PYGL: variants seen among roughly 807,000 people sequenced by gnomAD.
PYGL encodes glycogen phosphorylase L.
In PYGL, 90 loss-of-function variants were observed where a neutral mutation model predicts 100.1. The observed-to-expected ratio is 0.90, with a 90% CI of 0.76 to 1.07. The LOEUF is 1.07. Ranked by LOEUF, PYGL falls within the 50% of genes least tolerant of loss-of-function variation. The probability of loss-of-function intolerance (pLI) is 0.00; values close to 1 mark genes in which losing one functional copy is unlikely to be tolerated. For missense variants in PYGL, 1,016 were observed against 1,057.6 expected (o/e 0.96, Z 0.55); for synonymous variants, 373 against 393.0 (o/e 0.95, Z 0.60).
chr14:50,909,648 C>A (rs917646822), intron 17 of PYGL, among the ~76,000 whole-genome samples: 8 of 152,162 alleles, frequency 5.3e-5, no homozygotes, highest in African/African-American at 1.7e-4. Context: ...CTCTTTGAGG[C>A]CAGCTCTGCA....
intron 17 of PYGL, among the ~76,000 whole-genome samples, chr14:50,909,471 C>G (rs749409105): frequency 1.3e-5 from 2 of 152,118 alleles, no homozygotes; most frequent in Non-Finnish European, 2.9e-5. Context: ...ATAAATGTTT[C>G]CAATTACTTC....
At chr14:50,940,577 C>G (rs2050694550) in intron 1 of PYGL, among the ~76,000 whole-genome samples, 1 of 152,174 alleles carries the variant, frequency 6.6e-6, no homozygotes, top group Non-Finnish European at 1.5e-5. Flanking sequence ...TAGAGGTAAT[C>G]TCTCCTTATA....
chr14:50,931,510 C>A (rs1265579210), intron 4 of PYGL, among the ~76,000 whole-genome samples, 163 bp downstream of exon 4: 2 of 152,168 alleles, frequency 1.3e-5, no homozygotes, highest in Non-Finnish European at 2.9e-5. Flanking sequence ...GGGGAACATA[C>A]ATTCTGAAGT....
In PYGL at chr14:50,905,226, G is replaced by T; in HGVS notation, c.*166C>A. The T allele has an allele frequency of 1.4e-6, 1 of 717,012 alleles. No individual in the cohort carries two copies. 44.4% of individuals were successfully genotyped at this position (717,012 alleles called of 1,614,324 possible). A position where few individuals can be genotyped will look rare whatever the true frequency, so the allele number is the denominator to read the frequency against. ...AGTTTTGGCACTCATGTAGCCCTTGGAAATTGACACTTTATTTTTAAGCTC... is the reference window on the plus strand; with the variant it reads ...AGTTTTGGCACTCATGTAGCCCTTGTAAATTGACACTTTATTTTTAAGCTC... On this transcript the variant is annotated 3_prime_UTR_variant, in exon 20 of 20. Coordinates refer to ENST00000216392, the MANE Select transcript of PYGL (RefSeq NM_002863.5).
chr14:50,932,864 G>A (rs949467424), intron 3 of PYGL, among the ~76,000 whole-genome samples: 1 of 152,222 alleles, frequency 6.6e-6, no homozygotes, highest in African/African-American at 2.4e-5. Flanking sequence ...GAAAGGGATT[G>A]AATGAGGTTG....
chr14:50,932,489 T>G (rs1175785730), intron 3 of PYGL, among the ~76,000 whole-genome samples: 1 of 152,230 alleles, frequency 6.6e-6, no homozygotes, highest in African/African-American at 2.4e-5. Context: ...TTGCTGCCAC[T>G]GTCTTTTTTC....
chr14:50,914,498 A>G (rs1455537615), intron 12 of PYGL, among the ~76,000 whole-genome samples: 1 of 150,954 alleles, frequency 6.6e-6, no homozygotes, highest in Non-Finnish European at 1.5e-5. Context: ...CTCTGTCTCA[A>G]TAATAATAAT....
At chr14:50,939,755 A>T (rs1269302738) in intron 1 of PYGL, among the ~76,000 whole-genome samples, 2 of 152,246 alleles carry the variant, frequency 1.3e-5, no homozygotes, top group Admixed American at 6.5e-5. Flanking sequence ...TAAGATAAGA[A>T]GTAAAAAAAG....
chr14:50,905,596 G>A, intron 19 of PYGL, 40 bp from the exon 20 acceptor site: 1 of 1,596,674 alleles, frequency 6.3e-7, no homozygotes, highest in South Asian at 1.1e-5. Flanking sequence ...GAGTCCCAGT[G>A]CGCAGTGAGC....
chr14:50,908,751 T>C lies in PYGL; in HGVS notation c.2312+70A>G. 3.3e-6 allele frequency: 5 copies of C among 1,514,704 alleles called. No homozygotes were observed. In the South Asian group the frequency reaches 5.6e-5, roughly 17 times the overall value. 93.8% of individuals were successfully genotyped at this position (1,514,704 alleles called of 1,614,324 possible). A position where few individuals can be genotyped will look rare whatever the true frequency, so the allele number is the denominator to read the frequency against. On this transcript the variant is annotated intron_variant, in intron 18 of 19. Transcript: ENST00000216392. Reference sequence around the variant, plus strand: ...TAAGATTTTCTTGTTGGTTTTAGAGTTGGTTGGTTTAAGATTTTCTTGTCC... The same window carrying C: ...TAAGATTTTCTTGTTGGTTTTAGAGCTGGTTGGTTTAAGATTTTCTTGTCC...
intron 3 of PYGL, 36 bp from the exon 4 acceptor site, chr14:50,931,812 A>G (rs767762100): frequency 1.3e-6 from 2 of 1,590,076 alleles, no homozygotes; most frequent in Admixed American, 1.7e-5. Context: ...AGATAGAGTC[A>G]TTAAGCTGAG....
At position 50,911,985 on chromosome 14, in the gene PYGL, C is replaced by G. The variant is rs754629447; in HGVS notation, c.1820G>C (p.Gly607Ala). 6.2e-7 allele frequency: 1 copy of G among 1,613,824 alleles called. No homozygotes were observed. Residue 607 changes from glycine to alanine, a missense_variant, in exon 15 of 20, where the codon GGT becomes GCT. By Grantham distance (60) the Gly-to-Ala change is moderately conservative. Coordinates refer to ENST00000216392, the MANE Select transcript of PYGL (RefSeq NM_002863.5). ...KLFVPRTVIIGGKAAPGYHMA... is the reference protein window; with the variant it reads ...KLFVPRTVIIAGKAAPGYHMA... ...TGAATAGATTCAACTTACTTTACCA[C>G]CAATGATAACTGTCCTTGGCACGAA...
intron 6 of PYGL, 104 bp downstream of exon 6, chr14:50,920,852 A>C: frequency 8.0e-7 from 1 of 1,249,034 alleles, no homozygotes; most frequent in Non-Finnish European, 1.2e-6. Context: ...TTCAGATCAG[A>C]AACTCAAGGC....
chr14:50,914,679 C>T, intron 12 of PYGL, 22 bp downstream of exon 12: 1 of 1,579,862 alleles, frequency 6.3e-7, no homozygotes, highest in Non-Finnish European at 8.7e-7. Flanking sequence ...GGCCTCCTTT[C>T]CTCTCAGCAC....
At chr14:50,908,200 A>C in intron 19 of PYGL, 71 bp downstream of exon 19, 1 of 1,282,982 alleles carries the variant, frequency 7.8e-7, no homozygotes, top group Non-Finnish European at 1.1e-6. Context: ...ATTTGCATTT[A>C]ATTAAAAAAC....
intron 3 of PYGL, among the ~76,000 whole-genome samples, chr14:50,934,241 A>T (rs895103381): frequency 6.6e-6 from 1 of 152,244 alleles, no homozygotes; most frequent in African/African-American, 2.4e-5. Flanking sequence ...CATACCAATA[A>T]TATTAGTGTA....
chr14:50,928,670 C>A lies in PYGL; in HGVS notation c.528+3003G>T, dbSNP rs991116270. ...CAGGGGGTGCACGATGAACACTCCA[C>A]GCCTGCAAATCTTCCTTGAAGAGAC... On this transcript the variant is annotated intron_variant, in intron 4 of 19. Coordinates refer to ENST00000216392, the MANE Select transcript of PYGL (RefSeq NM_002863.5). Among the ~76,000 whole-genome samples the A allele has an allele frequency of 2.0e-5, 3 of 152,180 alleles. No individual in the cohort carries two copies. The East Asian group carries it at 5.8e-4, about 29-fold the overall frequency.
intron 4 of PYGL, among the ~76,000 whole-genome samples, chr14:50,927,798 G>A (rs1312745249): frequency 6.6e-6 from 1 of 152,206 alleles, no homozygotes; most frequent in African/African-American, 2.4e-5. Flanking sequence ...GATCTGAGGA[G>A]GAGAGAACTA....
At chr14:50,925,198 T>C (rs1484489057) in intron 4 of PYGL, among the ~76,000 whole-genome samples, 2 of 152,186 alleles carry the variant, frequency 1.3e-5, no homozygotes, top group Admixed American at 6.5e-5. Context: ...GGTAACACGA[T>C]GGTGTTTGTA....
Sources: gnomAD v4.1 joint callset for allele counts (sites outside exome capture counted in the v4.1 genomes callset) on GRCh38, gnomAD v4.1.1 for gene constraint, MANE v1.5 for transcripts, NCBI Gene and HGNC (gene_info 2026-07-23, HGNC 2026-07-21) for gene names.